The following CLSTN2 variants were observed in gnomAD, a reference collection of about 807,000 sequenced individuals.
The protein encoded by CLSTN2 is calsyntenin-2.
In CLSTN2, 48 loss-of-function variants were observed where a neutral mutation model predicts 101.2. The ratio of observed to expected loss-of-function variants is 0.47; its 90% CI spans 0.38 to 0.60. The LOEUF is 0.60. CLSTN2 is among the 20% of genes least tolerant of loss of function. The pLI, the probability that CLSTN2 is intolerant of heterozygous loss-of-function variation, is 0.00. For missense variants in CLSTN2, 1,160 were observed against 1,238.2 expected (o/e 0.94, Z 0.95); for synonymous variants, 481 against 463.6 (o/e 1.04, Z -0.48).
At chr3:140,433,432 C>A (rs184392895) in intron 5 of CLSTN2, among the ~76,000 whole-genome samples, 4 of 152,354 alleles carry the variant, frequency 2.6e-5, no homozygotes, top group Admixed American at 6.5e-5. Flanking sequence ...GCCCCACATG[C>A]TACCTCATCT....
At chr3:139,964,504 T>C (rs1308142510) in intron 1 of CLSTN2, among the ~76,000 whole-genome samples, 2 of 151,952 alleles carry the variant, frequency 1.3e-5, no homozygotes, top group Non-Finnish European at 2.9e-5. Flanking sequence ...GGTTTCAAAG[T>C]GTCATCTGGA....
intron 1 of CLSTN2, among the ~76,000 whole-genome samples, chr3:140,150,344 TCA>T (rs1163451378): frequency 1.3e-5 from 2 of 152,190 alleles, no homozygotes; most frequent in Non-Finnish European, 2.9e-5. Context: ...TCACCAAGTC[TCA>T]GTTTCTCATT....
chr3:140,297,660 T>C (rs1052060122), intron 2 of CLSTN2, among the ~76,000 whole-genome samples: 6 of 152,214 alleles, frequency 3.9e-5, no homozygotes, highest in Non-Finnish European at 8.8e-5. Context: ...AAAATGGGTA[T>C]AGGGCTGGAT....
chr3:140,159,949 C>A (rs2010019363), intron 1 of CLSTN2, among the ~76,000 whole-genome samples: 1 of 151,980 alleles, frequency 6.6e-6, no homozygotes, highest in Non-Finnish European at 1.5e-5. Flanking sequence ...CAAGTGGGAG[C>A]TAAACATTGG....
intron 2 of CLSTN2, among the ~76,000 whole-genome samples, chr3:140,217,127 G>A (rs2010931022): frequency 6.6e-6 from 1 of 152,136 alleles, no homozygotes. Context: ...TGGAAGGAGA[G>A]GATACACACG....
intron 1 of CLSTN2, among the ~76,000 whole-genome samples, chr3:140,087,379 T>C (rs1186995668): frequency 6.6e-6 from 1 of 152,224 alleles, no homozygotes; most frequent in African/African-American, 2.4e-5. Context: ...ATTCTTCTTA[T>C]TGAATTTGTA....
chr3:140,015,268 C>T (rs2007178149), intron 1 of CLSTN2, among the ~76,000 whole-genome samples: 1 of 152,186 alleles, frequency 6.6e-6, no homozygotes, highest in South Asian at 2.1e-4. Context: ...AGGAAGAGTA[C>T]ACAGAGTATA....
At chr3:140,319,663 A>G (rs2087263226) in intron 2 of CLSTN2, among the ~76,000 whole-genome samples, 1 of 152,378 alleles carries the variant, frequency 6.6e-6, no homozygotes, top group Middle Eastern at 3.4e-3. Flanking sequence ...CACAGGTACC[A>G]TGATAAGAGG....
chr3:140,546,638 G>A lies in CLSTN2; in HGVS notation c.1631G>A (p.Gly544Glu). 6.2e-7 allele frequency: 1 copy of A among 1,613,784 alleles called. No individual in the cohort carries two copies. Among genetic ancestry groups the A allele is most frequent in the Non-Finnish European group, 8.5e-7 (1 of 1,179,930 alleles). ...VISCLQACKEGLDINSLESLG... is the reference protein window; with the variant it reads ...VISCLQACKEELDINSLESLG... ...TCCTGCCTGCAGGCCTGCAAGGAAGGGCTGGACATTAATTCCTTGGAAAGC... is the reference window on the plus strand; with the variant it reads ...TCCTGCCTGCAGGCCTGCAAGGAAGAGCTGGACATTAATTCCTTGGAAAGC... The change falls in exon 10 of 17, where the codon GGG becomes GAG. Residue 544 changes from glycine (G) to glutamate (E), a missense_variant. By Grantham distance (98) the Gly-to-Glu change is moderately conservative. Coordinates refer to ENST00000458420, the MANE Select transcript of CLSTN2 (RefSeq NM_022131.3).
At chr3:139,989,783 C>G (rs1174596780) in intron 1 of CLSTN2, among the ~76,000 whole-genome samples, 2 of 152,176 alleles carry the variant, frequency 1.3e-5, no homozygotes, top group Non-Finnish European at 2.9e-5. Context: ...GAGGCTTTTC[C>G]CACCACCCGG....
chr3:140,232,242 A>G (rs1242672391), intron 2 of CLSTN2, among the ~76,000 whole-genome samples: 22 of 152,180 alleles, frequency 1.4e-4, no homozygotes, highest in Non-Finnish European at 8.8e-5. Context: ...TCAGATTGCT[A>G]TATCCCAATG....
intron 2 of CLSTN2, among the ~76,000 whole-genome samples, chr3:140,391,379 G>GT (rs2088112446): frequency 1.5e-5 from 2 of 129,794 alleles, no homozygotes; most frequent in African/African-American, 2.9e-5. Flanking sequence ...GGGGGGGTGG[G>GT]CGGGAGGGGC....
chr3:140,047,292 C>A (rs2007900191), intron 1 of CLSTN2, among the ~76,000 whole-genome samples: 2 of 152,154 alleles, frequency 1.3e-5, no homozygotes, highest in Admixed American at 1.3e-4. Flanking sequence ...AATAAGAAAT[C>A]CTAATAGTAA....
chr3:140,177,387 C>A (rs2010340905), intron 2 of CLSTN2, among the ~76,000 whole-genome samples: 1 of 152,094 alleles, frequency 6.6e-6, no homozygotes, highest in East Asian at 1.9e-4. Context: ...TTGGACATAG[C>A]TAATAATGGT....
intron 5 of CLSTN2, among the ~76,000 whole-genome samples, chr3:140,432,726 C>T (rs1250995851): frequency 6.6e-6 from 1 of 152,216 alleles, no homozygotes; most frequent in African/African-American, 2.4e-5. Context: ...TTTGATCTGA[C>T]TCTCCTGTGG....
At chr3:140,560,280 A>G (rs1177671733) in intron 12 of CLSTN2, among the ~76,000 whole-genome samples, 1 of 152,206 alleles carries the variant, frequency 6.6e-6, no homozygotes. Context: ...CGGCTTCAGC[A>G]TCATCTGCTG....
intron 8 of CLSTN2, among the ~76,000 whole-genome samples, chr3:140,526,321 C>T (rs1935137615): frequency 6.6e-6 from 1 of 151,990 alleles, no homozygotes; most frequent in Non-Finnish European, 1.5e-5. Context: ...ACAATAGCCA[C>T]AAAATAAATG....
At chr3:139,978,471 G>C (rs966297368) in intron 1 of CLSTN2, among the ~76,000 whole-genome samples, 3 of 152,140 alleles carry the variant, frequency 2.0e-5, no homozygotes, top group African/African-American at 7.2e-5. Flanking sequence ...ATAGAATCAA[G>C]ATGATTATTA....
chr3:140,498,231 C>T (rs2107760976), intron 8 of CLSTN2, among the ~76,000 whole-genome samples: 1 of 152,238 alleles, frequency 6.6e-6, no homozygotes, highest in African/African-American at 2.4e-5. Context: ...AGAGTTTATC[C>T]ACTGGCGCCG....
Sources: allele counts gnomAD v4.1 joint callset (sites outside exome capture counted in the v4.1 genomes callset), GRCh38; gene constraint gnomAD v4.1.1; transcripts MANE v1.5; gene names NCBI Gene and HGNC (gene_info 2026-07-23, HGNC 2026-07-21).